NWD2: variants seen among roughly 807,000 people sequenced by gnomAD.
NWD2 encodes NACHT and WD repeat domain containing 2, also known as NACHT and WD repeat domain-containing protein 2.
Under a neutral mutation model 132.7 loss-of-function variants are expected in NWD2, and 37 were observed. That is an observed-to-expected ratio of 0.28 (90% CI 0.21 to 0.37). The LOEUF (loss-of-function observed/expected upper bound fraction) is 0.37, where lower values mean the gene tolerates loss of function less well. NWD2 is among the 10% of genes least tolerant of loss of function. The pLI, the probability that NWD2 is intolerant of heterozygous loss-of-function variation, is 1.00. For missense variants in NWD2, 1,592 were observed against 2,122.4 expected, an observed-to-expected ratio of 0.75 and a Z score of 4.91; for synonymous variants, 705 against 803.0, an observed-to-expected ratio of 0.88 and a Z score of 2.06.
At chr4:37,246,414 G>A (rs1717246513) in intron 1 of NWD2, among the ~76,000 whole-genome samples, 2 of 152,152 alleles carry the variant, frequency 1.3e-5, no homozygotes, top group African/African-American at 2.4e-5. Context: ...ACGATAACAT[G>A]CACTAATTAG....
intron 1 of NWD2, among the ~76,000 whole-genome samples, chr4:37,318,568 G>C (rs1237476382): frequency 6.6e-6 from 1 of 151,946 alleles, no homozygotes; most frequent in Non-Finnish European, 1.5e-5. Flanking sequence ...CCAACAGTTA[G>C]TTTTGCAACC....
intron 3 of NWD2, among the ~76,000 whole-genome samples, chr4:37,402,067 A>C (rs1056882484): frequency 6.6e-6 from 1 of 152,192 alleles, no homozygotes; most frequent in African/African-American, 2.4e-5. Context: ...TTATTTCAGG[A>C]GTAGATTCCC....
At chr4:37,408,700 G>A (rs761937515) in intron 3 of NWD2, among the ~76,000 whole-genome samples, 2 of 152,190 alleles carry the variant, frequency 1.3e-5, no homozygotes, top group South Asian at 2.1e-4. Context: ...CTGCCTCCTC[G>A]AGTGGGTCCC....
intron 3 of NWD2, among the ~76,000 whole-genome samples, chr4:37,424,178 C>A (rs962170185): frequency 6.6e-6 from 1 of 152,142 alleles, no homozygotes; most frequent in African/African-American, 2.4e-5. Context: ...GAACAGTGCC[C>A]CATGGAGTTC....
At chr4:37,297,881 A>G (rs1236714183) in intron 1 of NWD2, among the ~76,000 whole-genome samples, 1 of 152,128 alleles carries the variant, frequency 6.6e-6, no homozygotes, top group Non-Finnish European at 1.5e-5. Flanking sequence ...TAGTAATGCT[A>G]ACTGAACACT....
At chr4:37,388,899 C>G (rs1720626437) in intron 3 of NWD2, among the ~76,000 whole-genome samples, 1 of 151,228 alleles carries the variant, frequency 6.6e-6, no homozygotes, top group African/African-American at 2.4e-5. Flanking sequence ...TCCTCCAGCT[C>G]CTGATATGGG....
chr4:37,284,241 T>TA (rs1276006565), intron 1 of NWD2, among the ~76,000 whole-genome samples: 1 of 152,154 alleles, frequency 6.6e-6, no homozygotes. Flanking sequence ...CCTCACATGG[T>TA]AGGAGGAGCA....
intron 3 of NWD2, among the ~76,000 whole-genome samples, chr4:37,420,267 C>T (rs1435909111): frequency 6.6e-6 from 1 of 152,156 alleles, no homozygotes; most frequent in East Asian, 1.9e-4. Flanking sequence ...GACACTTTTC[C>T]ATTCTTCCTC....
Position 37,298,733 on chromosome 4 carries a change from C to G in NWD2, c.152-27203C>G, listed in dbSNP as rs79971179. Among the ~76,000 whole-genome samples, 38 of 152,220 alleles carry G rather than the reference C, an allele frequency of 2.5e-4. 1 individual carries two copies. The East Asian group carries it at 7.3e-3, about 29-fold the overall frequency. On this transcript the variant is annotated intron_variant, in intron 1 of 6. Coordinates refer to ENST00000309447, the MANE Select transcript of NWD2 (RefSeq NM_001144990.2). ...TCAATGAAAGTTCGAGGAGCAACAG[C>G]CTATATAGCCTTAAACTATTTCCTC...
chr4:37,417,587 G>T (rs1190405049), intron 3 of NWD2, among the ~76,000 whole-genome samples: 1 of 152,114 alleles, frequency 6.6e-6, no homozygotes, highest in Non-Finnish European at 1.5e-5. Context: ...ACTTTAAAAA[G>T]ATCTATTGGA....
At position 37,273,271 on chromosome 4, in the gene NWD2, G is replaced by T. The variant is rs551940291; in HGVS notation, c.151+28053G>T. Reference sequence around the variant, plus strand: ...TCTGATAAGAAGTGAGCCCTTCAGGGGTTGCAATCCTAGGCTCTGATAAAA... The same window carrying T: ...TCTGATAAGAAGTGAGCCCTTCAGGTGTTGCAATCCTAGGCTCTGATAAAA... On this transcript the variant is annotated intron_variant, in intron 1 of 6. Transcript: ENST00000309447. Among the ~76,000 whole-genome samples, 419 of 151,858 alleles carry T rather than the reference G, an allele frequency of 2.8e-3. 2 individuals carry two copies. Among genetic ancestry groups the T allele is most frequent in the South Asian group, 0.011 (53 of 4,810 alleles).
intron 3 of NWD2, among the ~76,000 whole-genome samples, chr4:37,360,516 C>T (rs550921104): frequency 6.6e-6 from 1 of 152,280 alleles, no homozygotes; most frequent in Non-Finnish European, 1.5e-5. Context: ...CATTTACTGA[C>T]TAAAAGCTTT....
At chr4:37,247,515 G>A (rs1717267894) in intron 1 of NWD2, among the ~76,000 whole-genome samples, 1 of 152,192 alleles carries the variant, frequency 6.6e-6, no homozygotes, top group Non-Finnish European at 1.5e-5. Context: ...ATTTTGCTTG[G>A]AGTATTGTTT....
chr4:37,286,754 G>A (rs1053819813), intron 1 of NWD2, among the ~76,000 whole-genome samples: 2 of 152,116 alleles, frequency 1.3e-5, no homozygotes, highest in Admixed American at 1.3e-4. Context: ...GTGTGGGAAG[G>A]TACCTGGAGC....
At chr4:37,388,993 T>C (rs1393660791) in intron 3 of NWD2, among the ~76,000 whole-genome samples, 1 of 151,722 alleles carries the variant, frequency 6.6e-6, no homozygotes, top group Non-Finnish European at 1.5e-5. Context: ...GAATTTAACA[T>C]AATGCCTGCT....
chr4:37,413,989 G>C (rs1436797519), intron 3 of NWD2, among the ~76,000 whole-genome samples: 5 of 152,026 alleles, frequency 3.3e-5, no homozygotes, highest in African/African-American at 4.8e-5. Flanking sequence ...GGGGCAAGGA[G>C]AGGGATAGCA....
intron 2 of NWD2, among the ~76,000 whole-genome samples, chr4:37,353,229 T>C (rs915462012): frequency 2.0e-5 from 3 of 152,228 alleles, no homozygotes; most frequent in African/African-American, 7.2e-5. Context: ...TTACTGTTTG[T>C]CTAATGGGCT....
At chr4:37,314,493 G>A (rs1251671963) in intron 1 of NWD2, among the ~76,000 whole-genome samples, 2 of 152,104 alleles carry the variant, frequency 1.3e-5, no homozygotes, top group African/African-American at 4.8e-5. Flanking sequence ...GTCAGTTTTA[G>A]TAATATGTGT....
intron 1 of NWD2, among the ~76,000 whole-genome samples, chr4:37,313,119 G>T (rs1271672987): frequency 1.3e-5 from 2 of 151,102 alleles, no homozygotes; most frequent in African/African-American, 5.0e-5. Flanking sequence ...CCTGGCTTTG[G>T]TATCAGGATG....
Sources: gnomAD v4.1 joint callset for allele counts (sites outside exome capture counted in the v4.1 genomes callset) on GRCh38, gnomAD v4.1.1 for gene constraint, MANE v1.5 for transcripts, NCBI Gene and HGNC (gene_info 2026-07-23, HGNC 2026-07-21) for gene names.